DCC: variants seen among roughly 807,000 people sequenced by gnomAD.
The protein encoded by DCC is netrin receptor DCC.
Under a neutral mutation model 172.5 loss-of-function variants are expected in DCC, and 58 were observed. The ratio of observed to expected loss-of-function variants is 0.34; its 90% CI spans 0.27 to 0.42. DCC has a LOEUF of 0.42. Among genes scored for constraint, DCC ranks in the 10% least tolerant of loss-of-function variants. The probability of loss-of-function intolerance (pLI) is 1.00; values close to 1 mark genes in which losing one functional copy is unlikely to be tolerated. For synonymous variants in DCC, 709 were observed against 644.5 expected (o/e 1.10, Z -1.52); for missense variants, 1,740 against 1,791.0 (o/e 0.97, Z 0.51).
intron 1 of DCC, among the ~76,000 whole-genome samples, chr18:52,705,953 T>G (rs904595431): frequency 1.3e-5 from 2 of 152,216 alleles, no homozygotes; most frequent in African/African-American, 4.8e-5. Context: ...AAATTCATTA[T>G]GTTAACAAAG....
chr18:53,062,779 G>A (rs765902678), intron 5 of DCC, among the ~76,000 whole-genome samples: 1 of 152,032 alleles, frequency 6.6e-6, no homozygotes, highest in South Asian at 2.1e-4. Flanking sequence ...TAAGAATGTG[G>A]CCACAGTAAA....
intron 1 of DCC, among the ~76,000 whole-genome samples, chr18:52,381,532 G>C (rs1985583793): frequency 6.6e-6 from 1 of 152,044 alleles, no homozygotes; most frequent in Admixed American, 6.6e-5. Flanking sequence ...CTAGAGTTGG[G>C]CCTTCTATGC....
chr18:52,791,520 C>A (rs62083264), intron 2 of DCC, among the ~76,000 whole-genome samples: 3,804 of 151,870 alleles, frequency 0.025, 66 homozygotes, highest in Middle Eastern at 0.079. Flanking sequence ...CTGGCATCAC[C>A]AACCGTGGCT....
chr18:53,283,714 G>A (rs2056899989), intron 12 of DCC, among the ~76,000 whole-genome samples: 1 of 152,136 alleles, frequency 6.6e-6, no homozygotes, highest in Non-Finnish European at 1.5e-5. Context: ...TATAATCAAT[G>A]CATGTAAGAA....
chr18:52,880,138 T>C (rs1432311800), intron 2 of DCC, among the ~76,000 whole-genome samples: 2 of 128,434 alleles, frequency 1.6e-5, no homozygotes, highest in East Asian at 7.7e-4. Context: ...TCTTTTTTTT[T>C]TCTTTCTTTT....
intron 1 of DCC, among the ~76,000 whole-genome samples, chr18:52,632,173 G>C (rs1200374413): frequency 6.6e-6 from 1 of 152,012 alleles, no homozygotes; most frequent in East Asian, 1.9e-4. Flanking sequence ...TTACTCAATT[G>C]GTAAGTAAAT....
At chr18:53,449,170 CAT>C (rs2045374586) in intron 22 of DCC, among the ~76,000 whole-genome samples, 1 of 152,068 alleles carries the variant, frequency 6.6e-6, no homozygotes, top group African/African-American at 2.4e-5. Context: ...TATAGGAAAA[CAT>C]ACAAATTCCT....
intron 2 of DCC, among the ~76,000 whole-genome samples, chr18:52,802,643 CTTTTTTTTTTTTTTTTTTTTTTTTTTTT>C (rs776080029): frequency 5.2e-5 from 2 of 38,202 alleles, no homozygotes; most frequent in East Asian, 1.2e-3. Context: ...CACGCCAAGC[CTTTTTTTTTTTTTTTTTTTTTTTTTTTT>C]TTTTTTTTTT....
chr18:53,392,109 G>A (rs142113118), intron 17 of DCC, among the ~76,000 whole-genome samples: 3 of 152,158 alleles, frequency 2.0e-5, no homozygotes, highest in South Asian at 2.1e-4. Context: ...GCTGTAAAAC[G>A]TTATTTGCTT....
rs572803047 is a variant in DCC at position 52,633,476 on chromosome 18, A to C, written c.92-118578A>C. 3.0e-4 allele frequency among the ~76,000 whole-genome samples: 45 copies of C among 152,310 alleles called. 1 individual carries two copies. Among genetic ancestry groups the C allele is most frequent in the African/African-American group, 1.1e-3 (44 of 41,580 alleles). ...CTGCCCTAATTAGTTGTGTAGCCTC[A>C]GTCAAATCAATTCCCCTTTATGCAC... is the stretch of plus-strand genomic sequence containing the variant. On this transcript the variant is annotated intron_variant, in intron 1 of 28. Coordinates refer to ENST00000442544, the MANE Select transcript of DCC (RefSeq NM_005215.4).
intron 1 of DCC, among the ~76,000 whole-genome samples, chr18:52,717,448 T>C (rs76722599): frequency 6.2e-5 from 9 of 145,642 alleles, no homozygotes; most frequent in African/African-American, 2.3e-4. Flanking sequence ...TTTTTTTTTT[T>C]CCAAAAAAAG....
At chr18:53,342,930 A>G (rs1466237489) in intron 15 of DCC, among the ~76,000 whole-genome samples, 2 of 149,576 alleles carry the variant, frequency 1.3e-5, no homozygotes, top group African/African-American at 4.9e-5. Flanking sequence ...AATTTTTACT[A>G]TAGTGGATTT....
chr18:53,002,507 G>A (rs1294233620), intron 5 of DCC, among the ~76,000 whole-genome samples: 1 of 152,010 alleles, frequency 6.6e-6, no homozygotes, highest in Non-Finnish European at 1.5e-5. Flanking sequence ...ATCAAGGATG[G>A]TGAGATAATT....
rs151134485 is a variant in DCC at position 52,585,907 on chromosome 18, C to G, written c.92-166147C>G. On this transcript the variant is annotated intron_variant, in intron 1 of 28. Transcript: ENST00000442544. The stretch of plus-strand genomic sequence containing the variant: ...GACCATCTTGGCTAACACGGTGAAA[C>G]CCCGTCTCTACTAAAAATACAAAAA... Among the ~76,000 whole-genome samples the G allele has an allele frequency of 6.2e-3, 947 of 152,048 alleles. 26 individuals are homozygous for G. The highest frequency in any genetic ancestry group is 0.048 in the Admixed American group (726 of 15,264).
At chr18:53,350,312 G>A (rs1359264445) in intron 15 of DCC, among the ~76,000 whole-genome samples, 4 of 152,130 alleles carry the variant, frequency 2.6e-5, no homozygotes, top group Non-Finnish European at 5.9e-5. Context: ...TAGAAAGGAA[G>A]ACTATACAAT....
chr18:53,098,703 C>T (rs962912718), intron 7 of DCC, among the ~76,000 whole-genome samples: 9 of 152,072 alleles, frequency 5.9e-5, no homozygotes, highest in African/African-American at 1.7e-4. Context: ...AGTTACTTTG[C>T]CCCCCTTTAT....
At chr18:52,674,086 A>G (rs1280251880) in intron 1 of DCC, among the ~76,000 whole-genome samples, 2 of 152,162 alleles carry the variant, frequency 1.3e-5, no homozygotes, top group Non-Finnish European at 2.9e-5. Flanking sequence ...CCATTGACCA[A>G]AGGAAGTCAT....
chr18:53,464,979 C>CAAAAAAAAAA (rs71179510), intron 24 of DCC, among the ~76,000 whole-genome samples: 1 of 54,834 alleles, frequency 1.8e-5, no homozygotes, highest in Non-Finnish European at 3.8e-5. Flanking sequence ...AACTCAATCT[C>CAAAAAAAAAA]AAAAAAAAAA....
intron 1 of DCC, among the ~76,000 whole-genome samples, chr18:52,429,293 A>G (rs73955627): frequency 0.018 from 2,755 of 152,230 alleles, 33 homozygotes; most frequent in South Asian, 0.032. Flanking sequence ...TATAAATTGC[A>G]TCGAAGTACA....
Sources: allele counts gnomAD v4.1 joint callset (sites outside exome capture counted in the v4.1 genomes callset), GRCh38; gene constraint gnomAD v4.1.1; transcripts MANE v1.5; gene names NCBI Gene and HGNC (gene_info 2026-07-23, HGNC 2026-07-21).